The following EXT2 variants were observed in gnomAD, a reference collection of about 807,000 sequenced individuals.
EXT2 encodes the protein exostosin-2.
A neutral mutation model predicts 81.6 loss-of-function variants in EXT2; 53 were observed. The ratio of observed to expected loss-of-function variants is 0.65; its 90% CI spans 0.52 to 0.82. EXT2 has a LOEUF of 0.82. EXT2 is among the 40% of genes least tolerant of loss of function. EXT2 has a pLI of 0.00. For synonymous variants in EXT2, 320 were observed against 340.0 expected (o/e 0.94, Z 0.65); for missense variants, 774 against 910.2 (o/e 0.85, Z 1.93).
chr11:44,117,436 C>T (rs1288131815), intron 4 of EXT2, among the ~76,000 whole-genome samples: 1 of 152,180 alleles, frequency 6.6e-6, no homozygotes, highest in Non-Finnish European at 1.5e-5. Context: ...AAGAGTTTTA[C>T]AGTTTTGGCT....
intron 6 of EXT2, among the ~76,000 whole-genome samples, chr11:44,128,933 A>G (rs772813198): frequency 2.6e-5 from 4 of 152,266 alleles, no homozygotes; most frequent in African/African-American, 7.2e-5. Context: ...AGCCAGGCAC[A>G]CTTTCCGTCC....
At chr11:44,119,191 C>CAG (rs1162185097) in intron 4 of EXT2, among the ~76,000 whole-genome samples, 6 of 127,254 alleles carry the variant, frequency 4.7e-5, no homozygotes, top group South Asian at 5.5e-4. Flanking sequence ...CACACACACA[C>CAG]ACATTTTTGA....
chr11:44,144,883 T>A (rs969915306), intron 7 of EXT2, among the ~76,000 whole-genome samples: 1 of 152,164 alleles, frequency 6.6e-6, no homozygotes, highest in African/African-American at 2.4e-5. Context: ...TTTTTTTTAA[T>A]AGGGCAAAAG....
intron 2 of EXT2, among the ~76,000 whole-genome samples, chr11:44,108,532 CT>C (rs368219057): frequency 7.5e-4 from 115 of 152,328 alleles, no homozygotes; most frequent in African/African-American, 2.7e-3. Flanking sequence ...TTCATTTATT[CT>C]TCCTTTTAAA....
At chr11:44,171,277 C>T (rs1238259587) in intron 7 of EXT2, among the ~76,000 whole-genome samples, 1 of 152,162 alleles carries the variant, frequency 6.6e-6, no homozygotes, top group African/African-American at 2.4e-5. Flanking sequence ...TTGAGCTGTA[C>T]ACAAGATTTG....
chr11:44,235,513 T>C (rs185537800), intron 12 of EXT2, among the ~76,000 whole-genome samples: 1 of 152,194 alleles, frequency 6.6e-6, no homozygotes, highest in African/African-American at 2.4e-5. Context: ...CCCAAAGTGC[T>C]AAGATTACAG....
At chr11:44,168,951 G>A (rs1955032778) in intron 7 of EXT2, among the ~76,000 whole-genome samples, 1 of 152,194 alleles carries the variant, frequency 6.6e-6, no homozygotes, top group Non-Finnish European at 1.5e-5. Context: ...CCCAGACGCG[G>A]TGGCTCTTGC....
In EXT2 at chr11:44,140,667, C is replaced by T. The variant is rs777418462; in HGVS notation, c.1173+10529C>T. On this transcript the variant is annotated intron_variant, in intron 7 of 13. Transcript: ENST00000533608. ...TCTCCTTCTCCTTTAAACCTTCCAA[C>T]TTTGACTTCCAAAGGGGGATGGATG... is the stretch of plus-strand genomic sequence containing the variant. 3.8e-4 allele frequency among the ~76,000 whole-genome samples: 58 copies of T among 152,184 alleles called. 1 individual carries two copies. The highest frequency in any genetic ancestry group is 2.6e-4 in the Admixed American group (4 of 15,280).
At chr11:44,160,870 C>T (rs74941349) in intron 7 of EXT2, among the ~76,000 whole-genome samples, 2,595 of 152,232 alleles carry the variant, frequency 0.017, 75 homozygotes, top group African/African-American at 0.06. Flanking sequence ...AGGTTTTTAG[C>T]TGATTCTTTA....
chr11:44,198,034 G>A lies in EXT2; in HGVS notation c.1495+16G>A. On this transcript the variant is annotated intron_variant, in intron 9 of 13. Coordinates refer to ENST00000533608, the MANE Select transcript of EXT2 (RefSeq NM_207122.2). ...CCTCCAGAAGGTAAGAAGCCTTAGT[G>A]CCTCTCTCAGCTGGATCAATTTTGG... The A allele has an allele frequency of 6.2e-7, 1 of 1,613,570 alleles. No individual in the cohort carries two copies. Among genetic ancestry groups the A allele is most frequent in the Non-Finnish European group, 8.5e-7 (1 of 1,179,552 alleles).
intron 10 of EXT2, among the ~76,000 whole-genome samples, chr11:44,208,277 G>A (rs1955607360): frequency 6.6e-6 from 1 of 151,884 alleles, no homozygotes; most frequent in Non-Finnish European, 1.5e-5. Flanking sequence ...TATTTTTGTG[G>A]CAAAAGAGAG....
At chr11:44,203,442 A>G (rs907280874) in intron 9 of EXT2, among the ~76,000 whole-genome samples, 3 of 152,182 alleles carry the variant, frequency 2.0e-5, no homozygotes, top group Non-Finnish European at 2.9e-5. Context: ...CAGGAAACCC[A>G]GTCATGCCCT....
chr11:44,109,574 C>G (rs953070075), intron 3 of EXT2, among the ~76,000 whole-genome samples: 1 of 152,178 alleles, frequency 6.6e-6, no homozygotes, highest in Non-Finnish European at 1.5e-5. Flanking sequence ...TGTGCTAGCT[C>G]TCTCTGAATT....
chr11:44,153,983 G>GT (rs549822225), intron 7 of EXT2, among the ~76,000 whole-genome samples: 1,873 of 144,032 alleles, frequency 0.013, 25 homozygotes, highest in African/African-American at 0.037. Flanking sequence ...GTAGTTTTCT[G>GT]TTTTTTTTTT....
chr11:44,148,105 A>G (rs763481436), intron 7 of EXT2, among the ~76,000 whole-genome samples: 2 of 152,122 alleles, frequency 1.3e-5, no homozygotes, highest in Non-Finnish European at 2.9e-5. Context: ...TCTCCATTTC[A>G]TCATCTGTTT....
At chr11:44,240,467 G>T (rs1956024007) in intron 13 of EXT2, among the ~76,000 whole-genome samples, 1 of 152,160 alleles carries the variant, frequency 6.6e-6, no homozygotes, top group Admixed American at 6.5e-5. Flanking sequence ...GAGGCAAGGG[G>T]ATCACTTGAG....
In EXT2 at chr11:44,249,505, G is replaced by A. The variant is rs753781861; in HGVS notation, c.*5218G>A. ...CAGGAATTGCAGGTGGTGTGGGAGT[G>A]GCTGACAGAGGAGGGATCCATATGT... On this transcript the variant is annotated 3_prime_UTR_variant, in exon 14 of 14. Transcript: ENST00000533608. Among the ~76,000 whole-genome samples, 5 of 152,208 alleles carry A rather than the reference G, an allele frequency of 3.3e-5. No individual in the cohort carries two copies. The highest frequency in any genetic ancestry group is 4.8e-5 in the African/African-American group (2 of 41,452).
At chr11:44,206,767 A>G (rs767423053) in intron 9 of EXT2, 26 bp from the exon 10 acceptor site, 10 of 1,613,656 alleles carry the variant, frequency 6.2e-6, no homozygotes, top group South Asian at 2.2e-5. Flanking sequence ...TTAGGAGAAT[A>G]GTAAATACCT....
intron 12 of EXT2, among the ~76,000 whole-genome samples, chr11:44,235,303 C>T (rs184020625): frequency 0.085 from 11,225 of 132,676 alleles, 448 homozygotes; most frequent in Middle Eastern, 0.24. Flanking sequence ...GGCACAGTCT[C>T]GGCTCACTGC....
Sources: allele counts gnomAD v4.1 joint callset (sites outside exome capture counted in the v4.1 genomes callset), GRCh38; gene constraint gnomAD v4.1.1; transcripts MANE v1.5; gene names NCBI Gene and HGNC (gene_info 2026-07-23, HGNC 2026-07-21).